HEMGN: variants seen among roughly 807,000 people sequenced by gnomAD.
HEMGN encodes the protein erythroid differentiation-associated gene protein.
HEMGN carries 32 observed loss-of-function variants against 45.7 expected under a neutral mutation model. The observed-to-expected ratio is 0.70, with a 90% CI of 0.53 to 0.94. HEMGN has a LOEUF of 0.94. Ranked by LOEUF, HEMGN falls within the 40% of genes least tolerant of loss-of-function variation. The pLI, the probability that HEMGN is intolerant of heterozygous loss-of-function variation, is 0.00. For synonymous variants in HEMGN, 183 were observed against 178.6 expected, an observed-to-expected ratio of 1.02 and a Z score of -0.20; for missense variants, 530 against 564.2, an observed-to-expected ratio of 0.94 and a Z score of 0.61.
chr9:97,930,298 T>A lies in HEMGN; in HGVS notation c.1097A>T (p.Tyr366Phe), dbSNP rs1275471532. ...TATTTCTTGATACGTTTCAGGTGAA[T>A]ATTTTTCAGACCCAGGAGTTTCTTG... is the stretch of plus-strand genomic sequence containing the variant. ...INQETPGSEK[Y>F]SPETYQEIPG... The change falls in exon 3 of 4, where the codon TAT becomes TTT. Residue 366 changes from tyrosine to phenylalanine, a missense_variant. Physicochemically the swap from Tyr to Phe is conservative, Grantham distance 22. Coordinates refer to ENST00000616898, the MANE Select transcript of HEMGN (RefSeq NM_197978.3). 3.1e-6 allele frequency: 5 copies of A among 1,613,994 alleles called. No homozygotes were observed. The African/African-American group carries it at 6.7e-5, about 22-fold the overall frequency.
At chr9:97,938,453 G>A (rs1827103614), upstream of HEMGN, 1 of 224,352 alleles carries the variant, frequency 4.5e-6, no homozygotes, top group African/African-American at 2.3e-5. Context: ...CACTCTTTTG[G>A]TTCTATCTGC....
At chr9:97,932,143 T>C (rs138226200) in intron 2 of HEMGN, among the ~76,000 whole-genome samples, 32 of 152,344 alleles carry the variant, frequency 2.1e-4, no homozygotes, top group African/African-American at 7.7e-4. Flanking sequence ...ATAGGACTTA[T>C]TGGGTGTACC....
upstream of HEMGN, among the ~76,000 whole-genome samples, chr9:97,942,663 G>T (rs909910486): frequency 6.6e-6 from 1 of 152,158 alleles, no homozygotes; most frequent in Non-Finnish European, 1.5e-5. Flanking sequence ...TCTGGAGCAG[G>T]TGTAAGTATT....
At chr9:97,938,257 C>A, upstream of HEMGN, 1 of 673,774 alleles carries the variant, frequency 1.5e-6, no homozygotes. Context: ...GTTTGCCTGT[C>A]ACTTGACTTC....
chr9:97,940,756 G>A (rs1827140774), upstream of HEMGN, among the ~76,000 whole-genome samples: 1 of 152,186 alleles, frequency 6.6e-6, no homozygotes, highest in African/African-American at 2.4e-5. Flanking sequence ...TTAGAGAGCA[G>A]ATACAGCTCC....
At chr9:97,929,717 A>C (rs1397276751) in intron 3 of HEMGN, among the ~76,000 whole-genome samples, 1 of 152,216 alleles carries the variant, frequency 6.6e-6, no homozygotes, top group Non-Finnish European at 1.5e-5. Context: ...CTTTCTTGTT[A>C]ATGTAGACTT....
At chr9:97,931,367 T>C in intron 2 of HEMGN, 146 bp from the exon 3 acceptor site, 2 of 625,272 alleles carry the variant, frequency 3.2e-6, no homozygotes, top group South Asian at 2.1e-5. Context: ...ATCTCCTTGT[T>C]TGTAAAATGA....
chr9:97,931,043 A>G lies in HEMGN; in HGVS notation c.352T>C (p.Phe118Leu). 1 of 1,614,164 alleles carries G rather than the reference A, an allele frequency of 6.2e-7. No homozygotes were observed. Among genetic ancestry groups the G allele is most frequent in the Non-Finnish European group, 8.5e-7 (1 of 1,180,030 alleles). ...TTTTGCGGGGAGGCTACTGAAGGAA[A>G]TACTTTGGTTATGCTCCCAGGTGGC... The part of the protein sequence containing the change: ...TEPPGSITKV[F>L]PSVASPQKVV... The change falls in exon 3 of 4, where the codon TTT (phenylalanine) becomes CTT (leucine). Residue 118 changes from phenylalanine to leucine, a missense_variant. Physicochemically the swap from Phe to Leu is conservative, Grantham distance 22 (BLOSUM62 0). Transcript: ENST00000616898.
intron 2 of HEMGN, among the ~76,000 whole-genome samples, chr9:97,932,872 C>A (rs373957203): frequency 6.7e-6 from 1 of 149,874 alleles, no homozygotes; most frequent in African/African-American, 2.5e-5. Flanking sequence ...ACTATTACTA[C>A]AAGTAACCAA....
At position 97,930,862 on chromosome 9, in the gene HEMGN, T is replaced by C; in HGVS notation, c.533A>G (p.Gln178Arg). The C allele has an allele frequency of 6.2e-7, 1 of 1,614,162 alleles. No individual in the cohort carries two copies. The highest frequency in any genetic ancestry group is 1.1e-5 in the South Asian group (1 of 91,078). The change falls in exon 3 of 4, where the codon CAA becomes CGA. Residue 178 changes from glutamine to arginine, a missense_variant. Gln to Arg is a conservative substitution (Grantham distance 43, BLOSUM62 1). Transcript: ENST00000616898. ...EPEDLSPKMY[Q>R]EISVLQDNSS... The stretch of plus-strand genomic sequence containing the variant: ...ATTGTCTTGAAGTACAGATATTTCT[T>C]GGTACATTTTAGGAGAGAGGTCTTC...
intron 2 of HEMGN, among the ~76,000 whole-genome samples, chr9:97,935,273 A>AT (rs1827038162): frequency 1.3e-5 from 2 of 152,196 alleles, no homozygotes; most frequent in African/African-American, 4.8e-5. Context: ...GGATTGGAAA[A>AT]TGCCCTTTCT....
intron 2 of HEMGN, 32 bp from the exon 3 acceptor site, chr9:97,931,253 G>A (rs1826948605): frequency 2.0e-6 from 3 of 1,502,398 alleles, no homozygotes; most frequent in Non-Finnish European, 2.7e-6. Context: ...TGTCAGCAGT[G>A]GTACTACAGA....
At chr9:97,933,838 A>G (rs1406315505) in intron 2 of HEMGN, among the ~76,000 whole-genome samples, 1 of 152,162 alleles carries the variant, frequency 6.6e-6, no homozygotes, top group African/African-American at 2.4e-5. Flanking sequence ...GTATCACCAG[A>G]GCAAGTCCAG....
chr9:97,927,490 A>G lies in HEMGN; in HGVS notation c.1361-12T>C. 6.5e-7 allele frequency: 1 copy of G among 1,527,996 alleles called. No individual in the cohort carries two copies. Among genetic ancestry groups the G allele is most frequent in the Non-Finnish European group, 9.0e-7 (1 of 1,105,140 alleles). The allele number at this position is 1,527,996 out of a possible 1,614,324, so 94.7% of individuals were successfully genotyped here. ...TTTTTCTTTCATTTCTGTAAAATCA[A>G]ATAAAATAAAAAATAGATTCAATAA... On this transcript the variant is annotated splice_polypyrimidine_tract_variant and intron_variant, in intron 3 of 3. Coordinates refer to ENST00000616898, the MANE Select transcript of HEMGN (RefSeq NM_197978.3).
chr9:97,939,903 C>T (rs953804480), upstream of HEMGN, among the ~76,000 whole-genome samples: 16 of 152,276 alleles, frequency 1.1e-4, no homozygotes, highest in East Asian at 1.9e-4. Context: ...GAATCCTGCA[C>T]GGAACAGCAG....
chr9:97,943,552 T>C (rs1827181525), intron 1 of HEMGN, among the ~76,000 whole-genome samples: 2 of 152,190 alleles, frequency 1.3e-5, no homozygotes, highest in East Asian at 3.8e-4. Context: ...TTCAATCTAG[T>C]TTGTCCCAAA....
upstream of HEMGN, among the ~76,000 whole-genome samples, chr9:97,942,199 A>C (rs1827162575): frequency 6.6e-6 from 1 of 152,036 alleles, no homozygotes; most frequent in African/African-American, 2.4e-5. Flanking sequence ...GAGTGATATA[A>C]CTAAGATCAC....
chr9:97,928,047 G>T (rs1032697221), intron 3 of HEMGN, among the ~76,000 whole-genome samples: 4 of 132,712 alleles, frequency 3.0e-5, no homozygotes, highest in Admixed American at 7.8e-5. Flanking sequence ...TTTTTTTTGA[G>T]CCGGAGTCTC....
intron 2 of HEMGN, among the ~76,000 whole-genome samples, chr9:97,934,745 A>G (rs996844778): frequency 8.5e-5 from 13 of 152,198 alleles, no homozygotes; most frequent in Admixed American, 2.0e-4. Context: ...CAAATGATTC[A>G]AAACCCTTGC....
Sources: allele counts gnomAD v4.1 joint callset (sites outside exome capture counted in the v4.1 genomes callset), GRCh38; gene constraint gnomAD v4.1.1; transcripts MANE v1.5; gene names NCBI Gene and HGNC (gene_info 2026-07-23, HGNC 2026-07-21).